The following RSRC1 variants were observed in gnomAD, a reference collection of about 807,000 sequenced individuals.
The protein encoded by RSRC1 is arginine and serine rich coiled-coil 1, also known as serine/Arginine-related protein 53.
RSRC1 carries 39 observed loss-of-function variants against 49.1 expected under a neutral mutation model. The ratio of observed to expected loss-of-function variants is 0.79; its 90% CI spans 0.61 to 1.04. The LOEUF is 1.04. Among genes scored for constraint, RSRC1 ranks in the 50% least tolerant of loss-of-function variants. RSRC1 has a pLI of 0.00. For missense variants in RSRC1, 388 were observed against 402.4 expected (o/e 0.96, Z 0.31); for synonymous variants, 143 against 130.8 (o/e 1.09, Z -0.63).
At chr3:158,286,955 T>C (rs1726601067) in intron 4 of RSRC1, among the ~76,000 whole-genome samples, 2 of 152,224 alleles carry the variant, frequency 1.3e-5, no homozygotes, top group South Asian at 4.2e-4. Flanking sequence ...GCCTTCCGAG[T>C]ATCTGGGACT....
At chr3:158,235,361 C>A (rs1193961717) in intron 4 of RSRC1, among the ~76,000 whole-genome samples, 2 of 151,976 alleles carry the variant, frequency 1.3e-5, no homozygotes, top group Admixed American at 6.6e-5. Context: ...ACAAGGGATG[C>A]CGTTGCTTTA....
At chr3:158,196,110 T>C (rs1720592967) in intron 3 of RSRC1, among the ~76,000 whole-genome samples, 1 of 152,192 alleles carries the variant, frequency 6.6e-6, no homozygotes, top group Non-Finnish European at 1.5e-5. Flanking sequence ...TTTCACGATA[T>C]TGATTCTTCC....
chr3:158,214,668 G>A (rs1578204658), intron 4 of RSRC1, among the ~76,000 whole-genome samples: 1 of 151,556 alleles, frequency 6.6e-6, no homozygotes. Flanking sequence ...TTTTCCTTGT[G>A]ATTTCCTCTT....
chr3:158,512,774 A>G (rs1260459882), intron 7 of RSRC1, among the ~76,000 whole-genome samples: 1 of 151,394 alleles, frequency 6.6e-6, no homozygotes, highest in Non-Finnish European at 1.5e-5. Context: ...ATTTGTTTGT[A>G]TCCTCTTTTA....
At chr3:158,406,197 A>T (rs1408698058) in intron 6 of RSRC1, among the ~76,000 whole-genome samples, 1 of 152,106 alleles carries the variant, frequency 6.6e-6, no homozygotes, top group Non-Finnish European at 1.5e-5. Context: ...TCATAAGCTT[A>T]TTATAAAATT....
intron 3 of RSRC1, among the ~76,000 whole-genome samples, chr3:158,129,078 T>C (rs960850105): frequency 1.3e-5 from 2 of 152,140 alleles, no homozygotes; most frequent in Non-Finnish European, 2.9e-5. Context: ...TTGATAGATA[T>C]CTTGGGAGAG....
chr3:158,324,139 T>C (rs964821671), intron 5 of RSRC1, among the ~76,000 whole-genome samples: 4 of 152,224 alleles, frequency 2.6e-5, no homozygotes, highest in Non-Finnish European at 5.9e-5. Flanking sequence ...AATTCAATTA[T>C]TTCTCTATTG....
intron 7 of RSRC1, among the ~76,000 whole-genome samples, chr3:158,472,708 ATTTG>A (rs1738192170): frequency 6.6e-6 from 1 of 152,012 alleles, no homozygotes. Context: ...TTTCTTGTAA[ATTTG>A]TTTGAGTTCT....
At chr3:158,118,462 T>TGTGTGTGTGTGTGTGTGTGTGTGCGCGC (rs1491469875) in intron 1 of RSRC1, among the ~76,000 whole-genome samples, 1 of 124,682 alleles carries the variant, frequency 8.0e-6, no homozygotes, top group East Asian at 2.6e-4. Context: ...TGTGTGTGTG[T>TGTGTGTGTGTGTGTGTGTGTGTGCGCGC]GCGCGTGCGC....
chr3:158,111,751 T>C (rs536520959), intron 1 of RSRC1, among the ~76,000 whole-genome samples: 1 of 152,346 alleles, frequency 6.6e-6, no homozygotes, highest in African/African-American at 2.4e-5. Context: ...TAGTTTGATA[T>C]ACTGAGTGAG....
At chr3:158,293,548 G>A (rs369385899) in intron 4 of RSRC1, among the ~76,000 whole-genome samples, 1 of 151,980 alleles carries the variant, frequency 6.6e-6, no homozygotes, top group Non-Finnish European at 1.5e-5. Flanking sequence ...GATTATGGGT[G>A]AACTTTCTCT....
At chr3:158,456,705 G>T (rs1314645236) in intron 6 of RSRC1, among the ~76,000 whole-genome samples, 1 of 152,086 alleles carries the variant, frequency 6.6e-6, no homozygotes, top group East Asian at 1.9e-4. Context: ...GTGAGAATGG[G>T]CACCCCAGCA....
At chr3:158,442,171 G>A (rs951602803) in intron 6 of RSRC1, among the ~76,000 whole-genome samples, 14 of 152,090 alleles carry the variant, frequency 9.2e-5, no homozygotes, top group African/African-American at 3.1e-4. Context: ...GAGGGTGGCG[G>A]TTGCTGAAGG....
chr3:158,464,985 C>T (rs1031133703), intron 7 of RSRC1, among the ~76,000 whole-genome samples: 2 of 152,128 alleles, frequency 1.3e-5, no homozygotes, highest in African/African-American at 4.8e-5. Context: ...ATAATTCTCT[C>T]TCTTATCCTT....
At chr3:158,249,539 C>T (rs1367502337) in intron 4 of RSRC1, among the ~76,000 whole-genome samples, 2 of 152,084 alleles carry the variant, frequency 1.3e-5, no homozygotes. Flanking sequence ...TTGGTTGTTA[C>T]CAATTTTTGA....
At chr3:158,199,845 A>G (rs894732819) in intron 3 of RSRC1, among the ~76,000 whole-genome samples, 1 of 152,092 alleles carries the variant, frequency 6.6e-6, no homozygotes, top group Non-Finnish European at 1.5e-5. Flanking sequence ...GTTAAATTCT[A>G]ATTTAATTCT....
intron 6 of RSRC1, among the ~76,000 whole-genome samples, chr3:158,433,464 A>G (rs1403345444): frequency 2.0e-5 from 3 of 151,994 alleles, no homozygotes; most frequent in African/African-American, 7.2e-5. Context: ...GAAATGCAAA[A>G]GGATATATTT....
intron 3 of RSRC1, among the ~76,000 whole-genome samples, chr3:158,181,043 A>T (rs1719593471): frequency 6.6e-6 from 1 of 151,754 alleles, no homozygotes; most frequent in African/African-American, 2.4e-5. Flanking sequence ...TGACCTTGTG[A>T]TCCGCCCACC....
At chr3:158,533,281 C>CTAT (rs1399962155) in intron 7 of RSRC1, among the ~76,000 whole-genome samples, 1 of 151,634 alleles carries the variant, frequency 6.6e-6, no homozygotes, top group Non-Finnish European at 1.5e-5. Context: ...AACAAAAAAG[C>CTAT]TATGTTGGTG....
Sources: allele counts gnomAD v4.1 joint callset (sites outside exome capture counted in the v4.1 genomes callset), GRCh38; gene constraint gnomAD v4.1.1; transcripts MANE v1.5; gene names NCBI Gene and HGNC (gene_info 2026-07-23, HGNC 2026-07-21).